The following ZNF287 variants were observed in gnomAD, a reference collection of about 807,000 sequenced individuals.
ZNF287 encodes zinc finger protein with KRAB and SCAN domains 13.
Under a neutral mutation model 73.7 loss-of-function variants are expected in ZNF287, and 31 were observed. That is an observed-to-expected ratio of 0.42 (90% confidence interval 0.32 to 0.57). The LOEUF is 0.57. Among genes scored for constraint, ZNF287 ranks in the 20% least tolerant of loss-of-function variants. The pLI, the probability that ZNF287 is intolerant of heterozygous loss-of-function variation, is 0.13. For missense variants in ZNF287, 641 were observed against 909.3 expected, an observed-to-expected ratio of 0.70 and a Z score of 3.79; for synonymous variants, 301 against 307.2, an observed-to-expected ratio of 0.98 and a Z score of 0.21.
rs1906400692 is a variant in ZNF287 at position 16,548,268 on chromosome 17, T to C, written c.*3588A>G. Among the ~76,000 whole-genome samples the C allele has an allele frequency of 6.6e-6, 1 of 152,148 alleles. No homozygotes were observed. Among genetic ancestry groups the C allele is most frequent in the Non-Finnish European group, 1.5e-5 (1 of 68,016 alleles). On this transcript the variant is annotated 3_prime_UTR_variant, in exon 6 of 6. Transcript: ENST00000395825. ...ATTGGGAAGATCTGGTGACCTCAAA[T>C]GAGTGATCCATTGATAATGAGTCAA...
At position 16,553,443 on chromosome 17, in the gene ZNF287, A is replaced by T; in HGVS notation, c.716-17T>A. The T allele has an allele frequency of 6.9e-7, 1 of 1,457,462 alleles. No individual in the cohort carries two copies. Among genetic ancestry groups the T allele is most frequent in the Non-Finnish European group, 9.1e-7 (1 of 1,102,554 alleles). 90.3% of individuals were successfully genotyped at this position (1,457,462 alleles called of 1,614,324 possible). A position where few individuals can be genotyped will look rare whatever the true frequency, so the allele number is the denominator to read the frequency against. On this transcript the variant is annotated splice_polypyrimidine_tract_variant and intron_variant, in intron 5 of 5. Coordinates refer to ENST00000395825, the MANE Select transcript of ZNF287 (RefSeq NM_020653.4). ...TTTCCCATTCTGAAATAAAAAATAT[A>T]TTAAAAAATCTTCATTTATTTGGAG...
In ZNF287 at chr17:16,552,411, T is replaced by C. The variant is rs201270094; in HGVS notation, c.1731A>G (p.Ser577=). 14 of 1,614,102 alleles carry C rather than the reference T, an allele frequency of 8.7e-6. No individual in the cohort carries two copies. In the East Asian group the frequency reaches 2.7e-4, roughly 31 times the overall value. Residue 577 remains serine (S), a synonymous_variant, in exon 6 of 6, where the codon TCA becomes TCG. Coordinates refer to ENST00000395825, the MANE Select transcript of ZNF287 (RefSeq NM_020653.4). The surrounding 1 kb of genome is among the most constrained non-coding windows in gnomAD (Gnocchi z 6.5). ...NECGKAFAHS[S]TLIQHQTTHT... ...GAGTGGTTTGATGTTGAATAAGGGT[T>C]GAGGAATGAGCAAAGGCTTTTCCAC...
rs533921318 is a variant in ZNF287, at chr17:16,560,125, G to A, written c.715+3021C>T. Among the ~76,000 whole-genome samples, 8 of 151,102 alleles carry A rather than the reference G, an allele frequency of 5.3e-5. No individual in the cohort carries two copies. The South Asian group carries it at 1.7e-3, about 32-fold the overall frequency. ...GTGCCACCACACCCAGCTAATTTTT[G>A]TATTATTATTATTTTTAGTAGAGAC... On this transcript the variant is annotated intron_variant, in intron 5 of 5. Transcript: ENST00000395825.
chr17:16,558,725 A>G (rs1413444379), intron 5 of ZNF287, among the ~76,000 whole-genome samples: 2 of 152,240 alleles, frequency 1.3e-5, no homozygotes, highest in Admixed American at 1.3e-4. Flanking sequence ...TCACACCTGT[A>G]GTCTCAGCAC....
At chr17:16,558,570 G>T (rs761666617) in intron 5 of ZNF287, among the ~76,000 whole-genome samples, 11 of 152,160 alleles carry the variant, frequency 7.2e-5, no homozygotes, top group Non-Finnish European at 1.2e-4. Context: ...AAAGTGCTGG[G>T]GTTACAGGTG....
chr17:16,555,307 A>G (rs1473703663), intron 5 of ZNF287, among the ~76,000 whole-genome samples: 1 of 152,286 alleles, frequency 6.6e-6, no homozygotes, highest in Non-Finnish European at 1.5e-5. Context: ...AGGCTTCTAT[A>G]TATGCTCCAT....
chr17:16,563,599 C>T, intron 4 of ZNF287, 100 bp downstream of exon 4: 2 of 1,346,980 alleles, frequency 1.5e-6, no homozygotes, highest in East Asian at 2.4e-5. Context: ...GAGATAAGAA[C>T]ATTTATTTCT....
In ZNF287 at chr17:16,551,799, T is replaced by C; in HGVS notation, c.*57A>G. 1 of 1,525,086 alleles carries C rather than the reference T, an allele frequency of 6.6e-7. No homozygotes were observed. The highest frequency in any genetic ancestry group is 8.8e-7 in the Non-Finnish European group (1 of 1,136,486). The allele number at this position is 1,525,086 out of a possible 1,614,324, so 94.5% of individuals were successfully genotyped here. On this transcript the variant is annotated 3_prime_UTR_variant, in exon 6 of 6. Transcript: ENST00000395825. Reference sequence around the variant, plus strand: ...CTTCTGAATGTTCTGACACATAGAATGCACAAAACAAAATTGAAACAAAGT... The same window carrying C: ...CTTCTGAATGTTCTGACACATAGAACGCACAAAACAAAATTGAAACAAAGT...
intron 5 of ZNF287, among the ~76,000 whole-genome samples, chr17:16,562,023 C>T (rs1010626396): frequency 1.8e-4 from 27 of 152,060 alleles, no homozygotes; most frequent in African/African-American, 5.1e-4. Context: ...AACTGTAAAA[C>T]GGCTCAGTGC....
chr17:16,566,764 G>C (rs1200911651), intron 2 of ZNF287, 142 bp from the exon 3 acceptor site: 1 of 546,632 alleles, frequency 1.8e-6, no homozygotes, highest in African/African-American at 1.9e-5. Flanking sequence ...CAAAGCATCA[G>C]AGGAAAGGGC....
chr17:16,548,565 A>G lies in ZNF287; in HGVS notation c.*3291T>C, dbSNP rs1452698176. Among the ~76,000 whole-genome samples, 1 of 152,172 alleles carries G rather than the reference A, an allele frequency of 6.6e-6. No individual in the cohort carries two copies. The highest frequency in any genetic ancestry group is 1.9e-4 in the East Asian group (1 of 5,196). ...GTAATGCCAGTACTTTGGGAGGCTG[A>G]GGCGGGTGGATCACGAGGTCAGGAT... On this transcript the variant is annotated 3_prime_UTR_variant, in exon 6 of 6. Transcript: ENST00000395825.
Position 16,552,605 on chromosome 17 carries a change from A to G in ZNF287, c.1537T>C (p.Cys513Arg). 6.2e-7 allele frequency: 1 copy of G among 1,614,148 alleles called. No individual in the cohort carries two copies. Among genetic ancestry groups the G allele is most frequent in the Middle Eastern group, 1.7e-4 (1 of 6,060 alleles). Reference protein sequence around the residue: ...TGEKPYICNECGKTFSQSTHL... With the variant: ...TGEKPYICNERGKTFSQSTHL... Reference sequence around the variant, plus strand: ...GTACTCTGACTGAAAGTCTTCCCACATTCATTGCATATATAAGGTTTTTCT... The same window carrying G: ...GTACTCTGACTGAAAGTCTTCCCACGTTCATTGCATATATAAGGTTTTTCT... The change falls in exon 6 of 6, where the codon TGT (cysteine) becomes CGT (arginine). Residue 513 changes from cysteine (C) to arginine (R), a missense_variant. This residue lies in a region of ZNF287 where 284 missense variants were observed against 466.8 expected (regional missense o/e 0.61). Transcript: ENST00000395825. The surrounding 1 kb of genome is among the most constrained non-coding windows in gnomAD (Gnocchi z 6.5).
Position 16,553,126 on chromosome 17 carries a change from G to T in ZNF287, c.1016C>A (p.Thr339Asn). The change falls in exon 6 of 6, where the codon ACT becomes AAT. Residue 339 changes from threonine to asparagine, a missense_variant. By Grantham distance (65) the Thr-to-Asn change is moderately conservative. Transcript: ENST00000395825. ...VQFDTQLDNKTSVYNEGRATF... is the reference protein window; with the variant it reads ...VQFDTQLDNKNSVYNEGRATF... ...TGCCCTGCCTTCATTATACACAGAA[G>T]TTTTATTATCTAATTGGGTATCAAA... 6.2e-7 allele frequency: 1 copy of T among 1,613,330 alleles called. No individual in the cohort carries two copies. Among genetic ancestry groups the T allele is most frequent in the South Asian group, 1.1e-5 (1 of 91,048 alleles).
chr17:16,563,951 T>TTAGA (rs1427793036), intron 3 of ZNF287, 126 bp from the exon 4 acceptor site: 1 of 1,141,648 alleles, frequency 8.8e-7, no homozygotes, highest in Non-Finnish European at 1.2e-6. Context: ...TCCTAGAAGT[T>TTAGA]GTCTAGTCAA....
Position 16,567,372 on chromosome 17 carries a change from T to G in ZNF287, c.360A>C (p.Ala120=), listed in dbSNP as rs201476319. The change falls in exon 2 of 6, where the codon GCA becomes GCC. Residue 120 remains alanine, a synonymous_variant. Coordinates refer to ENST00000395825, the MANE Select transcript of ZNF287 (RefSeq NM_020653.4). ...GAGTCAAATCCTCCACCAGAGTCAC[T>G]GCTTCCTCGCTGCTCTCTGGATACT... ...KSQYPESSEE[A]VTLVEDLTQI... 6.2e-7 allele frequency: 1 copy of G among 1,614,162 alleles called. No individual in the cohort carries two copies.
rs1906598616 is a variant in ZNF287 at position 16,550,761 on chromosome 17, A to G, written c.*1095T>C. Among the ~76,000 whole-genome samples, 1 of 152,228 alleles carries G rather than the reference A, an allele frequency of 6.6e-6. No individual in the cohort carries two copies. The highest frequency in any genetic ancestry group is 1.5e-5 in the Non-Finnish European group (1 of 68,038). ...CACTCAAGAAACGTGTTTCAGTGGAAGAAATGAACTTTCCATAGTAAAACA... is the reference window on the plus strand; with the variant it reads ...CACTCAAGAAACGTGTTTCAGTGGAGGAAATGAACTTTCCATAGTAAAACA... On this transcript the variant is annotated 3_prime_UTR_variant, in exon 6 of 6. Coordinates refer to ENST00000395825, the MANE Select transcript of ZNF287 (RefSeq NM_020653.4).
intron 5 of ZNF287, chr17:16,558,880 G>A (rs931467959): frequency 2.0e-5 from 3 of 152,184 alleles, no homozygotes; most frequent in African/African-American, 7.2e-5. Context: ...AGGAGGCTGA[G>A]GAGGAAGGAT....
Position 16,552,466 on chromosome 17 carries a change from G to A in ZNF287, c.1676C>T (p.Ser559Phe). 1 of 1,614,110 alleles carries A rather than the reference G, an allele frequency of 6.2e-7. No homozygotes were observed. The highest frequency in any genetic ancestry group is 8.5e-7 in the Non-Finnish European group (1 of 1,179,998). Residue 559 changes from serine (S) to phenylalanine (F), a missense_variant, in exon 6 of 6, where the codon TCT becomes TTT. By Grantham distance (155) the Ser-to-Phe change is radical (BLOSUM62 -2). Coordinates refer to ENST00000395825, the MANE Select transcript of ZNF287 (RefSeq NM_020653.4). The surrounding 1 kb of genome is among the most constrained non-coding windows in gnomAD (Gnocchi z 6.5). ...ATTACATTTATAACACTTCTCTCCA[G>A]AATGAATTCTCTGATGTCGAATAAG... is the stretch of plus-strand genomic sequence containing the variant. ...TYLIRHQRIH[S>F]GEKCYKCNEC...
chr17:16,567,279 C>A (rs778202772), intron 2 of ZNF287, 50 bp downstream of exon 2: 17 of 1,559,620 alleles, frequency 1.1e-5, no homozygotes, highest in Non-Finnish European at 1.3e-5. Context: ...TGCTAGTTGT[C>A]TTCTTTAACC....
Sources: allele counts gnomAD v4.1 joint callset (sites outside exome capture counted in the v4.1 genomes callset), GRCh38; gene constraint gnomAD v4.1.1; regional missense constraint gnomAD v4.1.1; non-coding constraint Gnocchi (gnomAD v3.1); transcripts MANE v1.5; gene names NCBI Gene and HGNC (gene_info 2026-07-23, HGNC 2026-07-21).